Variants in TENM2 observed in about 807,000 individuals in gnomAD.
TENM2 encodes the protein teneurin-2.
A neutral mutation model predicts 245.2 loss-of-function variants in TENM2; 52 were observed. The observed-to-expected ratio is 0.21, with a 90% CI of 0.17 to 0.27. The LOEUF (loss-of-function observed/expected upper bound fraction) is 0.27. TENM2 is among the 10% of genes least tolerant of loss of function. The pLI, the probability that TENM2 is intolerant of heterozygous loss-of-function variation, is 1.00. For synonymous variants in TENM2, 1,363 were observed against 1,438.9 expected, an observed-to-expected ratio of 0.95 and a Z score of 1.19; for missense variants, 3,046 against 3,666.8, an observed-to-expected ratio of 0.83 and a Z score of 4.37.
chr5:167,412,144 A>G (rs1762942567), intron 2 of TENM2, among the ~76,000 whole-genome samples: 1 of 152,122 alleles, frequency 6.6e-6, no homozygotes, highest in African/African-American at 2.4e-5. Flanking sequence ...CTCTGGTTCC[A>G]GTGGGCTTTT....
chr5:168,127,092 G>A (rs1425580969), intron 12 of TENM2, 126 bp downstream of exon 14: 10 of 812,302 alleles, frequency 1.2e-5, no homozygotes. Context: ...TCTCCCAGGG[G>A]ATAGGGAAGG....
At chr5:168,213,987 T>C (rs904745928) in intron 20 of TENM2, among the ~76,000 whole-genome samples, 2 of 152,170 alleles carry the variant, frequency 1.3e-5, no homozygotes, top group African/African-American at 4.8e-5. Context: ...GGTCCCAACC[T>C]CAAACCAGTG....
intron 3 of TENM2, among the ~76,000 whole-genome samples, chr5:167,916,635 C>T (rs1213816350): frequency 2.0e-5 from 3 of 152,116 alleles, no homozygotes; most frequent in Admixed American, 6.5e-5. Context: ...TGCCGAGAAG[C>T]GCATCTCCAG....
intron 2 of TENM2, among the ~76,000 whole-genome samples, chr5:167,388,949 G>A (rs1236299259): frequency 6.6e-6 from 1 of 151,910 alleles, no homozygotes; most frequent in Non-Finnish European, 1.5e-5. Flanking sequence ...TATGTTATCA[G>A]AGTAAGTATA....
At chr5:167,823,572 G>A (rs900658540) in intron 2 of TENM2, among the ~76,000 whole-genome samples, 7 of 152,118 alleles carry the variant, frequency 4.6e-5, no homozygotes, top group Non-Finnish European at 8.8e-5. Flanking sequence ...ACAGGAGTGC[G>A]AATGGCTCTC....
chr5:168,195,767 G>A (rs1761380598), intron 15 of TENM2, among the ~76,000 whole-genome samples: 1 of 152,034 alleles, frequency 6.6e-6, no homozygotes, highest in African/African-American at 2.4e-5. Context: ...TAGGAGTTGT[G>A]TTGTTTTCGC....
At chr5:167,545,594 C>T (rs1772508084) in intron 2 of TENM2, among the ~76,000 whole-genome samples, 3 of 152,116 alleles carry the variant, frequency 2.0e-5, no homozygotes, top group Admixed American at 6.6e-5. Flanking sequence ...GTGCATTATA[C>T]ATCAAATACA....
rs1759097518 is a variant in TENM2, at chr5:167,353,551, A to G, written c.227-21647A>G. On this transcript the variant is annotated intron_variant, in intron 1 of 28. Coordinates refer to ENST00000518659, the Ensembl canonical transcript of TENM2. ...GAGACGGAGTCTCGCTCTGTCGCCC[A>G]GGCTGGAGTGCAGTGGCGGGATCTC... Among the ~76,000 whole-genome samples the G allele has an allele frequency of 4.6e-5, 5 of 108,492 alleles. No homozygotes were observed. The South Asian group carries it at 1.7e-3, about 37-fold the overall frequency. The allele number at this position is 108,492 out of a possible 152,430, so 71.2% of individuals were successfully genotyped here.
At chr5:167,218,977 C>G in the TENM2 span, among the ~76,000 whole-genome samples, 1 of 152,166 alleles carries the variant, frequency 6.6e-6, no homozygotes, top group African/African-American at 2.4e-5. Flanking sequence ...AAAGCCAATC[C>G]TCTGGCTTTT....
intron 2 of TENM2, among the ~76,000 whole-genome samples, chr5:167,572,753 C>T (rs1274669728): frequency 2.0e-5 from 3 of 152,086 alleles, no homozygotes; most frequent in African/African-American, 4.8e-5. Flanking sequence ...CATTTCTTTT[C>T]GACTTCGTGT....
intron 6 of TENM2, among the ~76,000 whole-genome samples, chr5:168,051,453 T>C (rs1033615560): frequency 7.9e-5 from 12 of 151,994 alleles, no homozygotes; most frequent in Non-Finnish European, 1.8e-4. Flanking sequence ...CATCTGACCC[T>C]TTAAAAAAAA....
rs1766342162 is a variant in TENM2, at chr5:168,244,116, T to C, written c.5521-304T>C. On this transcript the variant is annotated intron_variant, in intron 25 of 28. Coordinates refer to ENST00000518659, the Ensembl canonical transcript of TENM2. This position sits in a 1 kb window ranked among gnomAD's most constrained non-coding sequence, Gnocchi z 4.9. ...CCATGCCAGCTAATTTTTATATTTTTAGTACAGACGGGGTTTCACCATGTT... is the reference window on the plus strand; with the variant it reads ...CCATGCCAGCTAATTTTTATATTTTCAGTACAGACGGGGTTTCACCATGTT... 6.6e-6 allele frequency among the ~76,000 whole-genome samples: 1 copy of C among 152,018 alleles called. No individual in the cohort carries two copies. Among genetic ancestry groups the C allele is most frequent in the East Asian group, 1.9e-4 (1 of 5,168 alleles).
chr5:167,307,454 C>A (rs887628464), intron 1 of TENM2, among the ~76,000 whole-genome samples: 2 of 152,038 alleles, frequency 1.3e-5, no homozygotes, highest in African/African-American at 4.8e-5. Context: ...CTCTGGAAAC[C>A]ATAGAGGATG....
chr5:167,604,022 T>C (rs984339236), intron 2 of TENM2, among the ~76,000 whole-genome samples: 3 of 152,206 alleles, frequency 2.0e-5, no homozygotes, highest in Non-Finnish European at 4.4e-5. Flanking sequence ...GTGGGGCACA[T>C]GTATCTGGGA....
At chr5:167,573,669 C>A (rs994884382) in intron 2 of TENM2, among the ~76,000 whole-genome samples, 2 of 152,004 alleles carry the variant, frequency 1.3e-5, no homozygotes, top group Non-Finnish European at 2.9e-5. Context: ...ACACTCAAGC[C>A]TAGCGGTGCT....
At position 167,814,849 on chromosome 5, in the gene TENM2, A is replaced by G. The variant is rs574240202; in HGVS notation, c.503-61137A>G. ...AGAATTGAAGACTAGATGAAACTGCAGCTCCAGCAGCTCCAATCAGGAAGG... is the reference window on the plus strand; with the variant it reads ...AGAATTGAAGACTAGATGAAACTGCGGCTCCAGCAGCTCCAATCAGGAAGG... On this transcript the variant is annotated intron_variant, in intron 2 of 28. Coordinates refer to ENST00000518659, the Ensembl canonical transcript of TENM2. 1.7e-4 allele frequency among the ~76,000 whole-genome samples: 26 copies of G among 152,310 alleles called. No homozygotes were observed. In the East Asian group the frequency reaches 5.0e-3, roughly 29 times the overall value.
rs1233117978 is a variant in TENM2 at position 167,459,898 on chromosome 5, G to A, written c.502+84425G>A. Among the ~76,000 whole-genome samples the A allele has an allele frequency of 2.8e-5, 4 of 141,520 alleles. 1 individual carries two copies. Among genetic ancestry groups the A allele is most frequent in the South Asian group, 4.7e-4 (2 of 4,270 alleles). 92.8% of individuals were successfully genotyped at this position (141,520 alleles called of 152,430 possible). A position where few individuals can be genotyped will look rare whatever the true frequency, so the allele number is the denominator to read the frequency against. Reference sequence around the variant, plus strand: ...TCCTCAGACCATTCTGCATTTCCTTGTATATAAAGATAAACACACACACAC... The same window carrying A: ...TCCTCAGACCATTCTGCATTTCCTTATATATAAAGATAAACACACACACAC... On this transcript the variant is annotated intron_variant, in intron 2 of 28. Coordinates refer to ENST00000518659, the Ensembl canonical transcript of TENM2.
intron 2 of TENM2, among the ~76,000 whole-genome samples, chr5:167,701,757 A>G (rs1490168561): frequency 6.6e-6 from 1 of 152,156 alleles, no homozygotes; most frequent in Admixed American, 6.6e-5. Flanking sequence ...ACTGTATTGT[A>G]TTATTCTCTG....
chr5:167,187,841 T>G, the TENM2 span, among the ~76,000 whole-genome samples: 1 of 152,276 alleles, frequency 6.6e-6, no homozygotes, highest in African/African-American at 2.4e-5. Flanking sequence ...TAATTGCTGC[T>G]GTTCTGATTT....
Sources: gnomAD v4.1 joint callset for allele counts (sites outside exome capture counted in the v4.1 genomes callset) on GRCh38, gnomAD v4.1.1 for gene constraint, Gnocchi (gnomAD v3.1) non-coding constraint, MANE v1.5 for transcripts, NCBI Gene and HGNC (gene_info 2026-07-23, HGNC 2026-07-21) for gene names.